CSMD1: variants seen among roughly 807,000 people sequenced by gnomAD.
CSMD1 encodes CUB and Sushi multiple domains 1.
CSMD1 carries 213 observed loss-of-function variants against 417.5 expected under a neutral mutation model. The ratio of observed to expected loss-of-function variants is 0.51; its 90% CI spans 0.46 to 0.57. The LOEUF (loss-of-function observed/expected upper bound fraction) is 0.57, where lower values mean the gene tolerates loss of function less well. Ranked by LOEUF, CSMD1 falls within the 20% of genes least tolerant of loss-of-function variation. The pLI, the probability that CSMD1 is intolerant of heterozygous loss-of-function variation, is 0.00. For missense variants in CSMD1, 6,923 were observed against 4,529.7 expected, an observed-to-expected ratio of 1.53 and a Z score of -15.17; for synonymous variants, 2,862 against 1,736.8, an observed-to-expected ratio of 1.65 and a Z score of -16.11.
At chr8:4,164,756 G>C (rs1007362009) in intron 3 of CSMD1, among the ~76,000 whole-genome samples, 40 of 151,970 alleles carry the variant, frequency 2.6e-4, no homozygotes, top group African/African-American at 9.4e-4. Flanking sequence ...TGTGCCTGTA[G>C]TCCTAGCTAC....
At chr8:4,587,701 A>AT (rs1328344498) in intron 2 of CSMD1, among the ~76,000 whole-genome samples, 4 of 152,220 alleles carry the variant, frequency 2.6e-5, no homozygotes, top group African/African-American at 9.6e-5. Flanking sequence ...TGGTTAAGAG[A>AT]TTTTCTCCAC....
At chr8:4,222,330 G>C (rs185127214) in intron 3 of CSMD1, among the ~76,000 whole-genome samples, 68 of 151,766 alleles carry the variant, frequency 4.5e-4, no homozygotes, top group African/African-American at 1.5e-3. Flanking sequence ...GGATACAGTA[G>C]GTATCAGTGT....
chr8:3,391,077 G>C (rs954235474), intron 17 of CSMD1, among the ~76,000 whole-genome samples: 1 of 152,116 alleles, frequency 6.6e-6, no homozygotes, highest in Non-Finnish European at 1.5e-5. Flanking sequence ...GCATGCATGG[G>C]CATGTTATAT....
intron 5 of CSMD1, among the ~76,000 whole-genome samples, chr8:3,836,366 G>T (rs970159466): frequency 6.6e-6 from 1 of 152,066 alleles, no homozygotes; most frequent in Non-Finnish European, 1.5e-5. Context: ...ATATCCTTGT[G>T]GGAATCCCAA....
At chr8:4,131,528 C>A (rs113527288) in intron 3 of CSMD1, among the ~76,000 whole-genome samples, 5 of 152,184 alleles carry the variant, frequency 3.3e-5, no homozygotes, top group African/African-American at 1.2e-4. Flanking sequence ...TGTTTAATAT[C>A]AACGCATTTT....
rs1474591695 is a variant in CSMD1, at chr8:3,747,193, C to T, written c.931+6737G>A. Among the ~76,000 whole-genome samples, 6 of 152,144 alleles carry T rather than the reference C, an allele frequency of 3.9e-5. No homozygotes were observed. The East Asian group carries it at 5.8e-4, about 15-fold the overall frequency. ...GTTCTGCCATTTGCAAGCTGTATGA[C>T]GAGAGCCACAGCCCTTAATCTCTCC... On this transcript the variant is annotated intron_variant, in intron 6 of 69. Transcript: ENST00000635120.
At chr8:3,575,888 G>A (rs1410272219) in intron 9 of CSMD1, among the ~76,000 whole-genome samples, 1 of 151,438 alleles carries the variant, frequency 6.6e-6, no homozygotes, top group Non-Finnish European at 1.5e-5. Flanking sequence ...GAAATATAAT[G>A]TCAGCAGAGA....
At chr8:3,779,899 A>G (rs1265438203) in intron 5 of CSMD1, among the ~76,000 whole-genome samples, 1 of 152,130 alleles carries the variant, frequency 6.6e-6, no homozygotes, top group African/African-American at 2.4e-5. Context: ...TTTTTCTCTC[A>G]TGGCCTGTCT....
intron 32 of CSMD1, 97 bp from the exon 33 acceptor site, chr8:3,199,906 AT>A (rs1563136111): frequency 1.5e-6 from 1 of 683,886 alleles, no homozygotes. Context: ...TTTCACATTT[AT>A]TTTTTGAACT....
At chr8:4,368,682 G>C (rs1211987882) in intron 3 of CSMD1, among the ~76,000 whole-genome samples, 1 of 151,962 alleles carries the variant, frequency 6.6e-6, no homozygotes, top group African/African-American at 2.4e-5. Flanking sequence ...ATTTCTTCCT[G>C]GCTTAATATG....
In CSMD1 at chr8:3,642,254, C is replaced by G. The variant is rs529429936; in HGVS notation, c.1010-25457G>C. On this transcript the variant is annotated intron_variant, in intron 7 of 69. Coordinates refer to ENST00000635120, the MANE Select transcript of CSMD1 (RefSeq NM_033225.6). ...TGAAACCCCCAAGAAGTCACATACA[C>G]TCTTAAGGACTTGACTAATAGTAAA... Among the ~76,000 whole-genome samples, 237 of 151,998 alleles carry G rather than the reference C, an allele frequency of 1.6e-3. 1 individual carries two copies. Among genetic ancestry groups the G allele is most frequent in the Non-Finnish European group, 2.5e-3 (169 of 67,996 alleles).
chr8:4,397,795 A>C (rs1804357377), intron 3 of CSMD1, among the ~76,000 whole-genome samples: 2 of 152,114 alleles, frequency 1.3e-5, no homozygotes, highest in African/African-American at 4.8e-5. Flanking sequence ...GTATCTCAAT[A>C]TTACATGCTA....
intron 23 of CSMD1, among the ~76,000 whole-genome samples, chr8:3,337,144 G>C (rs144635893): frequency 0.011 from 1,695 of 152,066 alleles, 27 homozygotes; most frequent in African/African-American, 0.038. Context: ...GACTGAAAAG[G>C]GTTCAGTACA....
At chr8:3,496,278 C>G (rs1341686744) in intron 10 of CSMD1, among the ~76,000 whole-genome samples, 1 of 152,176 alleles carries the variant, frequency 6.6e-6, no homozygotes, top group Admixed American at 6.5e-5. Flanking sequence ...CCTGCCTATC[C>G]CCTTCATAAC....
intron 5 of CSMD1, among the ~76,000 whole-genome samples, chr8:3,879,498 G>C (rs80254847): frequency 5.4e-4 from 82 of 152,278 alleles, no homozygotes; most frequent in Middle Eastern, 3.4e-3. Context: ...CAGAGACCAA[G>C]TTACCGTGAG....
At chr8:3,182,542 C>T (rs73183570) in intron 36 of CSMD1, among the ~76,000 whole-genome samples, 7,208 of 150,748 alleles carry the variant, frequency 0.048, 275 homozygotes, top group Non-Finnish European at 0.068. Flanking sequence ...GACCAATAAC[C>T]CCAGGCAAGG....
At chr8:4,390,497 T>TTTTTTTTATTTATTTATTTATTTATTTA (rs58291340) in intron 3 of CSMD1, among the ~76,000 whole-genome samples, 10 of 140,324 alleles carry the variant, frequency 7.1e-5, no homozygotes, top group African/African-American at 1.9e-4. Context: ...AAGCGTCCAT[T>TTTTTTTTATTTATTTATTTATTTATTTA]TTTATTTATT....
At chr8:4,252,799 C>G (rs1270214628) in intron 3 of CSMD1, among the ~76,000 whole-genome samples, 2 of 152,330 alleles carry the variant, frequency 1.3e-5, no homozygotes, top group South Asian at 2.1e-4. Context: ...CTCTTCTGTA[C>G]ACTTTCTCCA....
At chr8:4,704,914 A>C (rs1192899128) in intron 1 of CSMD1, among the ~76,000 whole-genome samples, 1 of 152,274 alleles carries the variant, frequency 6.6e-6, no homozygotes, top group Non-Finnish European at 1.5e-5. Context: ...TGTTTTAATA[A>C]AGTCTTAGTA....
Sources: allele counts gnomAD v4.1 joint callset (sites outside exome capture counted in the v4.1 genomes callset), GRCh38; gene constraint gnomAD v4.1.1; transcripts MANE v1.5; gene names NCBI Gene and HGNC (gene_info 2026-07-23, HGNC 2026-07-21).